Variants in SNTG2 observed in about 807,000 individuals in gnomAD.
SNTG2 encodes the protein syntrophin gamma 2, also known as gamma-2-syntrophin.
In SNTG2, 74 loss-of-function variants were observed where a neutral mutation model predicts 70.9. The ratio of observed to expected loss-of-function variants is 1.04; its 90% CI spans 0.86 to 1.27. The LOEUF (loss-of-function observed/expected upper bound fraction) is 1.27. Ranked by LOEUF, SNTG2 falls within the 50% of genes most tolerant of loss-of-function variation. SNTG2 has a pLI of 0.00. For missense variants in SNTG2, 717 were observed against 690.7 expected, an observed-to-expected ratio of 1.04 and a Z score of -0.43; for synonymous variants, 278 against 273.8, an observed-to-expected ratio of 1.02 and a Z score of -0.15.
intron 1 of SNTG2, among the ~76,000 whole-genome samples, chr2:1,034,757 C>G (rs1661040112): frequency 1.3e-5 from 2 of 152,098 alleles, no homozygotes; most frequent in Admixed American, 1.3e-4. Context: ...GAGTTAGATT[C>G]CCGCACAATA....
chr2:1,012,372 G>A (rs192891754), intron 1 of SNTG2, among the ~76,000 whole-genome samples: 20 of 152,330 alleles, frequency 1.3e-4, no homozygotes, highest in Admixed American at 8.5e-4. Context: ...GGAGGCCAGC[G>A]ATGAGCAGAG....
At chr2:1,093,719 C>T (rs1391021143) in intron 2 of SNTG2, among the ~76,000 whole-genome samples, 1 of 152,222 alleles carries the variant, frequency 6.6e-6, no homozygotes, top group Non-Finnish European at 1.5e-5. Flanking sequence ...TTTTGTTAAA[C>T]CTGATGGTCT....
intron 8 of SNTG2, among the ~76,000 whole-genome samples, chr2:1,184,511 A>G (rs1388078353): frequency 6.6e-6 from 1 of 152,206 alleles, no homozygotes; most frequent in Non-Finnish European, 1.5e-5. Context: ...ATTGGCTCAT[A>G]TTTCCATAGG....
chr2:1,346,150 G>A (rs368404346), intron 16 of SNTG2, among the ~76,000 whole-genome samples: 4,070 of 24,698 alleles, frequency 0.16, 315 homozygotes, highest in East Asian at 0.4. Flanking sequence ...GTAGGACAGC[G>A]GCAGCTTCCT....
At chr2:1,327,641 T>C (rs1246556534) in intron 16 of SNTG2, among the ~76,000 whole-genome samples, 1 of 152,208 alleles carries the variant, frequency 6.6e-6, no homozygotes, top group Admixed American at 6.5e-5. Context: ...TAACCATTTT[T>C]ATATTACTGT....
chr2:1,012,625 A>T (rs112621497), intron 1 of SNTG2, among the ~76,000 whole-genome samples: 47 of 119,326 alleles, frequency 3.9e-4, no homozygotes, highest in East Asian at 9.7e-4. Flanking sequence ...GGGATTTATA[A>T]GGACAGAGAG....
chr2:1,244,569 G>A (rs910576214), intron 11 of SNTG2, among the ~76,000 whole-genome samples: 91 of 151,858 alleles, frequency 6.0e-4, no homozygotes, highest in African/African-American at 2.1e-3. Flanking sequence ...GGTGGCGGGC[G>A]CCTCTGGTCC....
At chr2:1,070,771 T>A (rs372956992) in intron 1 of SNTG2, among the ~76,000 whole-genome samples, 1 of 152,350 alleles carries the variant, frequency 6.6e-6, no homozygotes, top group East Asian at 1.9e-4. Flanking sequence ...TAACTGGATT[T>A]TACTACGATA....
rs1450725777 is a variant in SNTG2, at chr2:1,209,117, T to G, written c.606T>G (p.Pro202=). The stretch of plus-strand genomic sequence containing the variant: ...CTTCTGTACAGGCCCCATCGTCACC[T>G]TCCTCGCCCATAGCTAAGGACCCGA... ...GNSSTTAPSS[P]SSPIAKDPRY... is the part of the protein sequence containing the mutation. The change falls in exon 9 of 17, where the codon CCT becomes CCG. Residue 202 remains proline (P), a synonymous_variant. Coordinates refer to ENST00000308624, the MANE Select transcript of SNTG2 (RefSeq NM_018968.4). 5 of 1,613,954 alleles carry G rather than the reference T, an allele frequency of 3.1e-6. No homozygotes were observed. The highest frequency in any genetic ancestry group is 4.2e-6 in the Non-Finnish European group (5 of 1,179,884).
intron 9 of SNTG2, among the ~76,000 whole-genome samples, chr2:1,234,545 C>T (rs985215122): frequency 7.2e-5 from 11 of 152,160 alleles, no homozygotes; most frequent in South Asian, 4.1e-4. Flanking sequence ...GCCCATCGTA[C>T]GGACAAGGAA....
intron 1 of SNTG2, among the ~76,000 whole-genome samples, chr2:1,001,267 G>C (rs1659385348): frequency 6.6e-6 from 1 of 152,036 alleles, no homozygotes; most frequent in African/African-American, 2.4e-5. Flanking sequence ...GTTTTAGCCA[G>C]ATCAGTCAGT....
At chr2:1,339,886 G>A (rs1236274090) in intron 16 of SNTG2, among the ~76,000 whole-genome samples, 9 of 152,192 alleles carry the variant, frequency 5.9e-5, no homozygotes, top group Non-Finnish European at 8.8e-5. Context: ...CCAAATGAGA[G>A]TATTGGCTGC....
chr2:1,151,538 T>C (rs4246572), intron 6 of SNTG2, among the ~76,000 whole-genome samples: 128,087 of 152,186 alleles, frequency 0.84, 55,454 homozygotes, highest in Non-Finnish European at 0.96. Context: ...TCCCCCTAGA[T>C]TGAAGCGCGA....
intron 1 of SNTG2, among the ~76,000 whole-genome samples, chr2:1,041,249 C>T (rs190552260): frequency 6.6e-5 from 10 of 152,296 alleles, no homozygotes; most frequent in Non-Finnish European, 1.3e-4. Flanking sequence ...TCAGCCTTTA[C>T]CACGTGGTGT....
intron 1 of SNTG2, among the ~76,000 whole-genome samples, chr2:1,073,974 G>C (rs1045461035): frequency 6.6e-6 from 1 of 152,108 alleles, no homozygotes; most frequent in Non-Finnish European, 1.5e-5. Context: ...TCTTTAGCTC[G>C]TATGTGGCTG....
chr2:1,255,168 C>T (rs1677981282), intron 12 of SNTG2, among the ~76,000 whole-genome samples: 3 of 152,198 alleles, frequency 2.0e-5, no homozygotes, highest in East Asian at 3.9e-4. Context: ...TGGAGCCAGT[C>T]ATTTACCAAG....
rs1678112671 is a variant in SNTG2, at chr2:1,256,220, G to C, written c.1006-3150G>C. Among the ~76,000 whole-genome samples the C allele has an allele frequency of 2.0e-5, 3 of 151,944 alleles. No individual in the cohort carries two copies. The South Asian group carries it at 6.2e-4, about 32-fold the overall frequency. On this transcript the variant is annotated intron_variant, in intron 12 of 16. Coordinates refer to ENST00000308624, the MANE Select transcript of SNTG2 (RefSeq NM_018968.4). The stretch of plus-strand genomic sequence containing the variant: ...TTCCATCGACCGGGTTTCTGTATAT[G>C]CTCCATTAGAACCTATGGGGCCACC...
chr2:1,181,541 A>C (rs1671899653), intron 8 of SNTG2, among the ~76,000 whole-genome samples: 1 of 152,178 alleles, frequency 6.6e-6, no homozygotes, highest in South Asian at 2.1e-4. Context: ...TTCTGTCTTT[A>C]CAAGTGGATA....
At chr2:1,241,239 T>C (rs2148115073) in intron 11 of SNTG2, among the ~76,000 whole-genome samples, 1 of 152,346 alleles carries the variant, frequency 6.6e-6, no homozygotes, top group East Asian at 1.9e-4. Context: ...CTCAGTTTGT[T>C]CGTCATGAGG....
Sources: gnomAD v4.1 joint callset for allele counts (sites outside exome capture counted in the v4.1 genomes callset) on GRCh38, gnomAD v4.1.1 for gene constraint, MANE v1.5 for transcripts, NCBI Gene and HGNC (gene_info 2026-07-23, HGNC 2026-07-21) for gene names.